NPM1: variants seen among roughly 807,000 people sequenced by gnomAD.
NPM1 encodes the protein nucleophosmin.
A neutral mutation model predicts 44.1 loss-of-function variants in NPM1; 1 was observed. The ratio of observed to expected loss-of-function variants is 0.02; its 90% CI spans 0.01 to 0.11. The LOEUF (loss-of-function observed/expected upper bound fraction) is 0.11. Among genes scored for constraint, NPM1 ranks in the 10% least tolerant of loss-of-function variants. The probability of loss-of-function intolerance (pLI) is 1.00; values close to 1 mark genes in which losing one functional copy is unlikely to be tolerated. For missense variants in NPM1, 197 were observed against 347.8 expected, an observed-to-expected ratio of 0.57 and a Z score of 3.45; for synonymous variants, 126 against 111.8, an observed-to-expected ratio of 1.13 and a Z score of -0.80.
chr5:171,402,317 C>T (rs1389543875), intron 8 of NPM1, among the ~76,000 whole-genome samples: 1 of 151,356 alleles, frequency 6.6e-6, no homozygotes, highest in African/African-American at 2.4e-5. Context: ...CCATCTCACA[C>T]CAGTCAGAAT....
At chr5:171,410,400 ATCTAGAGT>A (rs1771764358) in intron 10 of NPM1, 119 bp from the exon 11 acceptor site, 1 of 529,364 alleles carries the variant, frequency 1.9e-6, no homozygotes, top group African/African-American at 1.9e-5. Flanking sequence ...TCATATCTTT[ATCTAGAGT>A]TAACTCTCTG....
Position 171,407,621 on chromosome 5 carries a change from GATT to G in NPM1, c.772-75_772-73del, listed in dbSNP as rs1389888520. 25 of 826,604 alleles carry G rather than the reference GATT, an allele frequency of 3.0e-5. No individual in the cohort carries two copies. The East Asian group carries it at 6.1e-4, about 20-fold the overall frequency. 51.2% of individuals were successfully genotyped at this position (826,604 alleles called of 1,614,324 possible). A position where few individuals can be genotyped will look rare whatever the true frequency, so the allele number is the denominator to read the frequency against. On this transcript the variant is annotated intron_variant, in intron 9 of 10. Transcript: ENST00000296930. ...AAACTGATCCATGTAGTAGCATGCA[GATT>G]ATTGAGGAATTTTCTAAAGGTATCT...
chr5:171,400,332 T>C, intron 7 of NPM1, 122 bp downstream of exon 7: 24 of 532,960 alleles, frequency 4.5e-5, no homozygotes, highest in South Asian at 1.2e-4. Context: ...TACTGAAAAT[T>C]AGTCCTGAGG....
Position 171,400,188 on chromosome 5 carries a change from A to G in NPM1, c.560A>G (p.Glu187Gly). Residue 187 changes from glutamate (E) to glycine (G), a missense_variant, in exon 7 of 11, where the codon GAA (glutamate) becomes GGA (glycine). This residue lies in a region of NPM1 where 91 missense variants were observed against 94.0 expected (regional missense o/e 0.97). Coordinates refer to ENST00000296930, the MANE Select transcript of NPM1 (RefSeq NM_002520.7). ...GATGATTTTGATGATGAGGAAGCTG[A>G]AGAAAAAGCGCCAGTGAAGAAAGTG... ...DDDDFDDEEA[E>G]EKAPVKKSIR... 6.2e-7 allele frequency: 1 copy of G among 1,611,948 alleles called. No homozygotes were observed. The highest frequency in any genetic ancestry group is 1.3e-5 in the African/African-American group (1 of 75,018).
At chr5:171,404,313 G>T (rs1771443843) in intron 8 of NPM1, among the ~76,000 whole-genome samples, 1 of 95,298 alleles carries the variant, frequency 1.0e-5, no homozygotes, top group Non-Finnish European at 2.2e-5. Flanking sequence ...GTGGCTGCCG[G>T]GCGGAGAGGC....
chr5:171,404,942 T>TA (rs535040886), intron 8 of NPM1, among the ~76,000 whole-genome samples: 85 of 152,294 alleles, frequency 5.6e-4, no homozygotes, highest in African/African-American at 2.0e-3. Flanking sequence ...GTTACTCTTT[T>TA]TTTTTTTATT....
intron 6 of NPM1, among the ~76,000 whole-genome samples, chr5:171,395,788 T>G (rs1430008892): frequency 3.3e-5 from 5 of 152,292 alleles, no homozygotes; most frequent in Non-Finnish European, 5.9e-5. Flanking sequence ...GGTTCCTTTT[T>G]GAGGATGGAA....
chr5:171,400,547 C>T (rs1183585429), intron 7 of NPM1, among the ~76,000 whole-genome samples: 2 of 151,438 alleles, frequency 1.3e-5, no homozygotes, highest in Non-Finnish European at 2.9e-5. Context: ...ACTTCTGCCT[C>T]CCGGGTTGAA....
At chr5:171,399,360 C>G (rs899996936) in intron 6 of NPM1, among the ~76,000 whole-genome samples, 1 of 152,104 alleles carries the variant, frequency 6.6e-6, no homozygotes, top group Non-Finnish European at 1.5e-5. Context: ...ATCCTCCTGC[C>G]TTAGCTTTTC....
chr5:171,400,348 T>C (rs1159973059), intron 7 of NPM1, 138 bp downstream of exon 7: 1 of 560,760 alleles, frequency 1.8e-6, no homozygotes. Context: ...TGAGGAGGAT[T>C]ACAGAAAACT....
chr5:171,388,549 G>A (rs534550250), intron 1 of NPM1, among the ~76,000 whole-genome samples: 35 of 151,104 alleles, frequency 2.3e-4, no homozygotes, highest in African/African-American at 5.3e-4. Context: ...GCGGCGCGGC[G>A]TGAGGAGGCC....
chr5:171,397,894 A>G (rs1770993622), intron 6 of NPM1, among the ~76,000 whole-genome samples: 2 of 150,324 alleles, frequency 1.3e-5, no homozygotes, highest in African/African-American at 4.9e-5. Flanking sequence ...CCCTTGTTCA[A>G]GCAATTCTTC....
Position 171,400,831 on chromosome 5 carries a change from A to G in NPM1, c.583-8A>G. 2 of 1,583,980 alleles carry G rather than the reference A, an allele frequency of 1.3e-6. No homozygotes were observed. Among genetic ancestry groups the G allele is most frequent in the Non-Finnish European group, 1.7e-6 (2 of 1,154,104 alleles). ...GGGACAGTGATTAAGATAAATTTCT[A>G]ATTGCAGTCTATACGAGATACTCCA... On this transcript the variant is annotated splice_region_variant and splice_polypyrimidine_tract_variant and intron_variant, in intron 7 of 10. Transcript: ENST00000296930.
chr5:171,399,530 C>T (rs1243895118), intron 6 of NPM1, among the ~76,000 whole-genome samples: 1 of 152,190 alleles, frequency 6.6e-6, no homozygotes, highest in Non-Finnish European at 1.5e-5. Context: ...AGACACTGTG[C>T]CAGTTCTTGG....
chr5:171,408,025 T>A (rs749704252), intron 10 of NPM1, among the ~76,000 whole-genome samples: 1 of 152,194 alleles, frequency 6.6e-6, no homozygotes, highest in African/African-American at 2.4e-5. Context: ...TTCTTGGTTA[T>A]TGAATTCAGT....
chr5:171,399,715 G>A (rs1561870539), intron 6 of NPM1, among the ~76,000 whole-genome samples: 1 of 151,640 alleles, frequency 6.6e-6, no homozygotes. Flanking sequence ...CACTCTGAGT[G>A]TACAGTTTAA....
intron 10 of NPM1, among the ~76,000 whole-genome samples, chr5:171,410,317 A>G (rs1771759258): frequency 6.6e-6 from 1 of 152,250 alleles, no homozygotes; most frequent in South Asian, 2.1e-4. Context: ...AATTATTAGT[A>G]TATTGTTCAC....
upstream of NPM1, chr5:171,387,705 G>C (rs977765696): frequency 5.4e-6 from 3 of 558,208 alleles, no homozygotes; most frequent in African/African-American, 5.7e-5. Context: ...GGGCGAGGTA[G>C]AAAGGAGTGG....
chr5:171,407,714 C>T lies in NPM1; in HGVS notation c.786C>T (p.Pro262=), dbSNP rs556846930. The T allele has an allele frequency of 3.4e-5, 54 of 1,606,626 alleles. No homozygotes were observed. Among genetic ancestry groups the T allele is most frequent in the Non-Finnish European group, 4.4e-5 (52 of 1,173,750 alleles). The change falls in exon 10 of 11, where the codon CCC becomes CCT. Residue 262 remains proline, a synonymous_variant. Coordinates refer to ENST00000296930, the MANE Select transcript of NPM1 (RefSeq NM_002520.7). ...QASIEKGGSL[P]KVEAKFINYV... ...TGTCTTAATAGGGTGGTTCTCTTCC[C>T]AAAGTGGAAGCCAAATTCATCAATT...
Sources: allele counts gnomAD v4.1 joint callset (sites outside exome capture counted in the v4.1 genomes callset), GRCh38; gene constraint gnomAD v4.1.1; regional missense constraint gnomAD v4.1.1; transcripts MANE v1.5; gene names NCBI Gene and HGNC (gene_info 2026-07-23, HGNC 2026-07-21).